The following PDS5A variants were observed in gnomAD, a reference collection of about 807,000 sequenced individuals.
PDS5A encodes the protein sister chromatid cohesion protein PDS5 homolog A.
A neutral mutation model predicts 167.1 loss-of-function variants in PDS5A; 42 were observed. That is an observed-to-expected ratio of 0.25 (90% confidence interval 0.20 to 0.33). PDS5A has a LOEUF of 0.33. Among genes scored for constraint, PDS5A ranks in the 10% least tolerant of loss-of-function variants. The pLI is 1.00. For synonymous variants in PDS5A, 553 were observed against 554.6 expected (o/e 1.00, Z 0.04); for missense variants, 1,033 against 1,605.9 (o/e 0.64, Z 6.10).
chr4:39,826,669 T>C (rs1715356102), intron 32 of PDS5A, among the ~76,000 whole-genome samples: 2 of 151,824 alleles, frequency 1.3e-5, no homozygotes, highest in Admixed American at 6.6e-5. Flanking sequence ...GTATTTTTAG[T>C]AGAGACGGTG....
intron 9 of PDS5A, among the ~76,000 whole-genome samples, chr4:39,913,292 G>A (rs1179575567): frequency 1.3e-5 from 2 of 151,942 alleles, no homozygotes; most frequent in Non-Finnish European, 2.9e-5. Flanking sequence ...GGTCAGGCTG[G>A]TCTCCTGAAC....
chr4:39,858,034 AG>A, intron 26 of PDS5A, among the ~76,000 whole-genome samples: 1 of 152,262 alleles, frequency 6.6e-6, no homozygotes, highest in South Asian at 2.1e-4. Flanking sequence ...AGAAAACTAC[AG>A]AACAGTGCTG....
chr4:39,910,054 A>G (rs1036729617), intron 10 of PDS5A, 190 bp downstream of exon 10: 1 of 437,598 alleles, frequency 2.3e-6, no homozygotes, highest in Non-Finnish European at 4.0e-6. Context: ...ATAAACAAAC[A>G]AACAAATAAA....
chr4:39,973,322 C>T (rs113614286), intron 2 of PDS5A: 71,043 of 1,593,456 alleles, frequency 0.045, 860 homozygotes, highest in Middle Eastern at 0.048. Context: ...TGACCTTGTA[C>T]ATGAACAGCA....
intron 22 of PDS5A, among the ~76,000 whole-genome samples, chr4:39,868,998 G>A (rs1337747760): frequency 2.0e-5 from 3 of 152,114 alleles, no homozygotes; most frequent in East Asian, 1.9e-4. Context: ...TCTGAGCACC[G>A]TCATTCTATA....
At chr4:39,927,071 T>C (rs2109733508) in intron 3 of PDS5A, among the ~76,000 whole-genome samples, 1 of 152,326 alleles carries the variant, frequency 6.6e-6, no homozygotes, top group Middle Eastern at 3.4e-3. Flanking sequence ...AAAAATAAAC[T>C]ATAAATCTTT....
intron 23 of PDS5A, among the ~76,000 whole-genome samples, chr4:39,866,458 C>T (rs1287874573): frequency 6.6e-6 from 1 of 152,078 alleles, no homozygotes; most frequent in African/African-American, 2.4e-5. Flanking sequence ...TCAAGTCACT[C>T]CACTTATTTA....
chr4:39,932,997 G>A, intron 2 of PDS5A: 1 of 152,464 alleles, frequency 6.6e-6, no homozygotes, highest in Non-Finnish European at 1.5e-5. Flanking sequence ...GTGAAACCCT[G>A]CCTCAATCAA....
intron 9 of PDS5A, among the ~76,000 whole-genome samples, chr4:39,912,893 A>T (rs976276858): frequency 6.6e-6 from 1 of 152,178 alleles, no homozygotes; most frequent in African/African-American, 2.4e-5. Context: ...ATTATACCAA[A>T]TTAGTTAAAA....
intron 2 of PDS5A, among the ~76,000 whole-genome samples, chr4:39,936,302 G>A (rs928140592): frequency 1.3e-5 from 2 of 152,054 alleles, no homozygotes; most frequent in African/African-American, 4.8e-5. Context: ...CTCCACTTCC[G>A]ATGCCAGCCC....
chr4:39,958,183 C>T (rs776881421), intron 2 of PDS5A, among the ~76,000 whole-genome samples: 4 of 152,144 alleles, frequency 2.6e-5, no homozygotes, highest in Admixed American at 1.3e-4. Flanking sequence ...TGAGGCACCA[C>T]GCCCAGCCAG....
chr4:39,826,476 T>C (rs938714377), intron 32 of PDS5A, among the ~76,000 whole-genome samples: 7 of 140,736 alleles, frequency 5.0e-5, no homozygotes, highest in African/African-American at 7.8e-5. Context: ...TCCACATTTT[T>C]ATTTATTTAT....
Position 39,898,537 on chromosome 4 carries a change from T to A in PDS5A, c.1631-9A>T. ...GGGGTCAGGCAAATTCTCTATAAAA[T>A]TAAAAGAGAATCAATATTAGAGAAG... is the stretch of plus-strand genomic sequence containing the variant. On this transcript the variant is annotated splice_polypyrimidine_tract_variant and intron_variant, in intron 15 of 32. Transcript: ENST00000303538. The A allele has an allele frequency of 6.6e-7, 1 of 1,507,838 alleles. No homozygotes were observed. The highest frequency in any genetic ancestry group is 1.3e-5 in the South Asian group (1 of 76,278). 93.4% of individuals were successfully genotyped at this position (1,507,838 alleles called of 1,614,324 possible).
chr4:39,970,685 C>G (rs1398868939), intron 2 of PDS5A, among the ~76,000 whole-genome samples: 1 of 150,524 alleles, frequency 6.6e-6, no homozygotes, highest in African/African-American at 2.4e-5. Flanking sequence ...TACTTGAATA[C>G]TTTGGCCTAA....
intron 21 of PDS5A, 165 bp downstream of exon 21, chr4:39,872,821 A>G: frequency 2.5e-6 from 1 of 404,964 alleles, no homozygotes. Context: ...AGCTACCATG[A>G]AATAAGGAAG....
intron 2 of PDS5A, among the ~76,000 whole-genome samples, chr4:39,939,637 T>C (rs1727030645): frequency 6.6e-6 from 1 of 151,830 alleles, no homozygotes; most frequent in Admixed American, 6.6e-5. Flanking sequence ...CTACTAAAAA[T>C]ACAACAATTA....
chr4:39,856,326 G>T (rs1718522215), intron 26 of PDS5A, among the ~76,000 whole-genome samples: 1 of 152,172 alleles, frequency 6.6e-6, no homozygotes, highest in Non-Finnish European at 1.5e-5. Flanking sequence ...AGAGCAAAGG[G>T]AGTTTGTCAT....
Position 39,945,316 on chromosome 4 carries a change from C to T in PDS5A, c.139-17152G>A, listed in dbSNP as rs373731877. 1.2e-3 allele frequency among the ~76,000 whole-genome samples: 188 copies of T among 151,972 alleles called. 2 individuals are homozygous for T. The South Asian group carries it at 0.038, about 31-fold the overall frequency. Reference sequence around the variant, plus strand: ...CTCTACTAAAAATACAAAAAATTAGCCAGGCGTGGTGGCAGGCGCCTATAG... The same window carrying T: ...CTCTACTAAAAATACAAAAAATTAGTCAGGCGTGGTGGCAGGCGCCTATAG... On this transcript the variant is annotated intron_variant, in intron 2 of 32. Coordinates refer to ENST00000303538, the MANE Select transcript of PDS5A (RefSeq NM_001100399.2).
chr4:39,916,846 A>G (rs923882872), intron 8 of PDS5A, among the ~76,000 whole-genome samples: 137 of 152,178 alleles, frequency 9.0e-4, no homozygotes, highest in African/African-American at 2.9e-3. Context: ...AGCCTGAGCA[A>G]TAACAGCAAA....
Sources: gnomAD v4.1 joint callset for allele counts (sites outside exome capture counted in the v4.1 genomes callset) on GRCh38, gnomAD v4.1.1 for gene constraint, MANE v1.5 for transcripts, NCBI Gene and HGNC (gene_info 2026-07-23, HGNC 2026-07-21) for gene names.